Variants in CD5 observed in about 807,000 individuals in gnomAD.
CD5 encodes T-cell surface glycoprotein CD5.
CD5 carries 36 observed loss-of-function variants against 60.3 expected under a neutral mutation model. That is an observed-to-expected ratio of 0.60 (90% CI 0.46 to 0.79). The LOEUF (loss-of-function observed/expected upper bound fraction) is 0.79. Ranked by LOEUF, CD5 falls within the 30% of genes least tolerant of loss-of-function variation. The pLI is 0.00. For missense variants in CD5, 540 were observed against 630.6 expected, an observed-to-expected ratio of 0.86 and a Z score of 1.54; for synonymous variants, 230 against 257.6, an observed-to-expected ratio of 0.89 and a Z score of 1.03.
chr11:61,112,885 C>T (rs1860878516), intron 1 of CD5, among the ~76,000 whole-genome samples: 1 of 152,186 alleles, frequency 6.6e-6, no homozygotes, highest in African/African-American at 2.4e-5. Flanking sequence ...AGCACATCAC[C>T]CCTTAAAATT....
At chr11:61,116,561 CCA>C (rs1266516370) in intron 2 of CD5, among the ~76,000 whole-genome samples, 11 of 116,898 alleles carry the variant, frequency 9.4e-5, no homozygotes, top group South Asian at 2.9e-4. Context: ...ACCACACACA[CCA>C]CACACACACC....
chr11:61,105,760 G>A (rs538821752), intron 1 of CD5, among the ~76,000 whole-genome samples: 5 of 152,148 alleles, frequency 3.3e-5, no homozygotes, highest in Non-Finnish European at 5.9e-5. Flanking sequence ...GGGATACAGG[G>A]ACCAAGGCAG....
intron 1 of CD5, among the ~76,000 whole-genome samples, chr11:61,110,300 T>C (rs550576041): frequency 8.5e-5 from 13 of 152,204 alleles, no homozygotes; most frequent in Admixed American, 7.8e-4. Context: ...AAGTCAGCTG[T>C]ACATCTCACC....
intron 7 of CD5, 51 bp from the exon 8 acceptor site, chr11:61,123,833 A>G: frequency 5.4e-6 from 2 of 372,800 alleles, no homozygotes; most frequent in Non-Finnish European, 9.3e-6. Context: ...GCCTGCCCCC[A>G]CCCATACCTG....
intron 9 of CD5, 86 bp downstream of exon 9, chr11:61,125,237 G>C (rs1456060939): frequency 6.8e-7 from 1 of 1,479,206 alleles, no homozygotes; most frequent in South Asian, 1.2e-5. Context: ...TGAAGGTCGG[G>C]TGATGGCCCA....
intron 1 of CD5, among the ~76,000 whole-genome samples, chr11:61,114,484 TA>T (rs1306747841): frequency 7.3e-6 from 1 of 137,574 alleles, no homozygotes; most frequent in African/African-American, 3.0e-5. Context: ...ACATACATAG[TA>T]AAAAAATTAG....
chr11:61,123,662 C>T (rs926893852), intron 7 of CD5, among the ~76,000 whole-genome samples: 3 of 152,144 alleles, frequency 2.0e-5, no homozygotes, highest in Non-Finnish European at 2.9e-5. Flanking sequence ...ACACCATCCT[C>T]GGCCTGCTCC....
chr11:61,123,918 A>G lies in CD5; in HGVS notation c.1260A>G (p.Pro420=). 6.3e-7 allele frequency: 1 copy of G among 1,590,338 alleles called. No individual in the cohort carries two copies. Among genetic ancestry groups the G allele is most frequent in the Non-Finnish European group, 8.6e-7 (1 of 1,165,780 alleles). ...AGAAGCAGCGCCAGTGGATTGGCCC[A>G]ACGGGAATGAACCAAAACAGTAAGT... ...RQKKQRQWIG[P]TGMNQNMSFH... The change falls in exon 8 of 11, where the codon CCA becomes CCG. Residue 420 remains proline, a synonymous_variant. Transcript: ENST00000347785.
chr11:61,104,654 T>C (rs1295086020), intron 1 of CD5, among the ~76,000 whole-genome samples: 1 of 152,212 alleles, frequency 6.6e-6, no homozygotes, highest in East Asian at 1.9e-4. Flanking sequence ...AGTGTCTGAG[T>C]GAGCCGGTGG....
Position 61,118,070 on chromosome 11 carries a change from G to A in CD5, c.95-105G>A, listed in dbSNP as rs1819026717. 2.5e-5 allele frequency: 30 copies of A among 1,206,942 alleles called. No individual in the cohort carries two copies. Among genetic ancestry groups the A allele is most frequent in the Non-Finnish European group, 3.4e-5 (29 of 851,338 alleles). The allele number at this position is 1,206,942 out of a possible 1,614,324, so 74.8% of individuals were successfully genotyped here. A position where few individuals can be genotyped will look rare whatever the true frequency, so the allele number is the denominator to read the frequency against. On this transcript the variant is annotated intron_variant, in intron 2 of 10. Coordinates refer to ENST00000347785, the MANE Select transcript of CD5 (RefSeq NM_014207.4). The surrounding 1 kb of genome is among the most constrained non-coding windows in gnomAD (Gnocchi z 4.7). ...ACAAGGGGCAAGGCAGGCAGCCCACGGGGCAGGAGGGAGCTCAACTGGGCG... is the reference window on the plus strand; with the variant it reads ...ACAAGGGGCAAGGCAGGCAGCCCACAGGGCAGGAGGGAGCTCAACTGGGCG...
chr11:61,102,676 T>C, intron 1 of CD5, 61 bp downstream of exon 1: 19 of 1,399,508 alleles, frequency 1.4e-5, no homozygotes, highest in Non-Finnish European at 1.9e-5. Flanking sequence ...AAGGAAGGAG[T>C]TCCCAGTTTT....
upstream of CD5, among the ~76,000 whole-genome samples, chr11:61,101,163 G>C (rs1860676936): frequency 1.0e-5 from 1 of 97,136 alleles, no homozygotes; most frequent in Non-Finnish European, 2.0e-5. Flanking sequence ...TCAACATGGA[G>C]ATCACACACT....
At chr11:61,101,911 T>TCTAC (rs1235654960), upstream of CD5, among the ~76,000 whole-genome samples, 13 of 142,464 alleles carry the variant, frequency 9.1e-5, no homozygotes, top group African/African-American at 3.4e-4. Context: ...TCTCTCTCTC[T>TCTAC]ACACACACAC....
chr11:61,121,571 T>C, intron 5 of CD5, 40 bp from the exon 6 acceptor site: 1 of 1,401,254 alleles, frequency 7.1e-7, no homozygotes, highest in Non-Finnish European at 9.3e-7. Context: ...AGGCTCAGGT[T>C]CACACTTGCA....
upstream of CD5, chr11:61,102,364 G>A (rs1450233582): frequency 5.0e-6 from 3 of 594,892 alleles, no homozygotes; most frequent in South Asian, 3.9e-5. Context: ...AACAGGGGCA[G>A]GTGGTTTTGC....
intron 1 of CD5, among the ~76,000 whole-genome samples, chr11:61,106,983 A>T (rs1244491177): frequency 6.6e-6 from 1 of 152,142 alleles, no homozygotes; most frequent in Non-Finnish European, 1.5e-5. Context: ...AACGGTGGAA[A>T]ATCCCTGCCC....
At position 61,126,879 on chromosome 11, in the gene CD5, G is replaced by A. The variant is rs1861155588; in HGVS notation, c.*594G>A. The A allele has an allele frequency of 6.6e-6, 1 of 152,110 alleles. No individual in the cohort carries two copies. The highest frequency in any genetic ancestry group is 1.5e-5 in the Non-Finnish European group (1 of 68,008). The allele number at this position is 152,110 out of a possible 1,614,324, so 9.4% of individuals were successfully genotyped here. A position where few individuals can be genotyped will look rare whatever the true frequency, so the allele number is the denominator to read the frequency against. On this transcript the variant is annotated 3_prime_UTR_variant, in exon 11 of 11. Transcript: ENST00000347785. ...CATTCACCGCAGCTGCCAGCCAGGG[G>A]TCTGGGTGGGCACCACCCTGACCCA...
chr11:61,098,940 G>A (rs185314018), upstream of CD5, among the ~76,000 whole-genome samples: 23 of 152,304 alleles, frequency 1.5e-4, no homozygotes, highest in Admixed American at 1.2e-3. Context: ...CAGTGATCAC[G>A]TCCTTGAACT....
At chr11:61,122,867 C>A (rs753848066) in intron 6 of CD5, 40 bp from the exon 7 acceptor site, 1 of 1,577,374 alleles carries the variant, frequency 6.3e-7, no homozygotes, top group East Asian at 2.3e-5. Flanking sequence ...TTTTTCTCCC[C>A]CCAGGACTGG....
Sources: allele counts gnomAD v4.1 joint callset (sites outside exome capture counted in the v4.1 genomes callset), GRCh38; gene constraint gnomAD v4.1.1; non-coding constraint Gnocchi (gnomAD v3.1); transcripts MANE v1.5; gene names NCBI Gene and HGNC (gene_info 2026-07-23, HGNC 2026-07-21).